The following SPC24 variants were observed in gnomAD, a reference collection of about 807,000 sequenced individuals.
SPC24 encodes the protein kinetochore protein Spc24.
SPC24 carries 31 observed loss-of-function variants against 27.6 expected under a neutral mutation model. The observed-to-expected ratio is 1.12, with a 90% confidence interval of 0.84 to 1.52. The LOEUF is 1.52. Ranked by LOEUF, SPC24 falls within the 40% of genes most tolerant of loss-of-function variation. The probability of loss-of-function intolerance (pLI) is 0.00; values close to 1 mark genes in which losing one functional copy is unlikely to be tolerated. For synonymous variants in SPC24, 105 were observed against 105.8 expected, an observed-to-expected ratio of 0.99 and a Z score of 0.05; for missense variants, 284 against 252.5, an observed-to-expected ratio of 1.12 and a Z score of -0.84.
Position 11,149,134 on chromosome 19 carries a change from C to G in SPC24, c.265G>C (p.Glu89Gln). 6.5e-7 allele frequency: 1 copy of G among 1,549,336 alleles called. No individual in the cohort carries two copies. Among genetic ancestry groups the G allele is most frequent in the South Asian group, 1.2e-5 (1 of 83,918 alleles). The change falls in exon 2 of 5, where the codon GAG (glutamate) becomes CAG (glutamine). Residue 89 changes from glutamate (E) to glutamine (Q), a missense_variant. Transcript: ENST00000592540. ...AGACGGGTGTCCTCCTCCCCAGCCT[C>G]CTGAAGCCCAGCTTCCAGCTGCTGC... ...ELQQLEAGLQ[E>Q]AGEEDTRLKA...
chr19:11,147,292 G>A lies in SPC24; in HGVS notation c.488-3C>T. 1 of 1,560,308 alleles carries A rather than the reference G, an allele frequency of 6.4e-7. No individual in the cohort carries two copies. Among genetic ancestry groups the A allele is most frequent in the Non-Finnish European group, 8.7e-7 (1 of 1,150,784 alleles). On this transcript the variant is annotated splice_polypyrimidine_tract_variant and splice_region_variant and intron_variant, in intron 4 of 4. Coordinates refer to ENST00000592540, the MANE Select transcript of SPC24 (RefSeq NM_182513.4). ...GGCCACACTGGGGCCATGATGGACT[G>A]AGGCACAGATGTAAGGAAAGCCCGG...
rs779072119 is a variant in SPC24, at chr19:11,147,281, C to G, written c.496G>C (p.Gly166Arg). The G allele has an allele frequency of 6.4e-7, 1 of 1,565,240 alleles. No homozygotes were observed. Among genetic ancestry groups the G allele is most frequent in the Non-Finnish European group, 8.7e-7 (1 of 1,154,376 alleles). The stretch of plus-strand genomic sequence containing the variant: ...TGGATGGGCTGGGCCACACTGGGGC[C>G]ATGATGGACTGAGGCACAGATGTAA... ...EPGMVKGIHH[G>R]PSVAQPIHLD... The change falls in exon 5 of 5, where the codon GGC becomes CGC. Residue 166 changes from glycine to arginine, a missense_variant. Gly to Arg is a moderately radical substitution (Grantham distance 125). Coordinates refer to ENST00000592540, the MANE Select transcript of SPC24 (RefSeq NM_182513.4).
chr19:11,149,061 T>G, intron 2 of SPC24, 33 bp downstream of exon 2: 1 of 1,453,690 alleles, frequency 6.9e-7, no homozygotes, highest in South Asian at 1.4e-5. Context: ...GCGTGTTTTC[T>G]AGCAAGGCTG....
At chr19:11,154,307 A>G (rs2077895223) in intron 1 of SPC24, among the ~76,000 whole-genome samples, 1 of 152,126 alleles carries the variant, frequency 6.6e-6, no homozygotes, top group African/African-American at 2.4e-5. Flanking sequence ...TGGGAGGCCG[A>G]GGTGGGCGAT....
At chr19:11,152,970 C>T (rs895144488) in intron 1 of SPC24, among the ~76,000 whole-genome samples, 6 of 151,844 alleles carry the variant, frequency 4.0e-5, no homozygotes, top group East Asian at 1.9e-4. Context: ...TGAGCCACCC[C>T]GTGGACTGGC....
chr19:11,147,318 G>GAC (rs753821558), intron 4 of SPC24, 29 bp from the exon 5 acceptor site: 1 of 1,472,452 alleles, frequency 6.8e-7, no homozygotes, highest in Middle Eastern at 1.8e-4. Flanking sequence ...GAAAGCCCGG[G>GAC]ACACACAGCC....
intron 1 of SPC24, among the ~76,000 whole-genome samples, chr19:11,153,861 A>C (rs146559752): frequency 0.037 from 5,583 of 151,082 alleles, 119 homozygotes; most frequent in Middle Eastern, 0.056. Context: ...AGGTCAGGAG[A>C]TCGAGACCAT....
intron 1 of SPC24, among the ~76,000 whole-genome samples, chr19:11,151,620 G>T (rs2421204): frequency 0.21 from 1,620 of 7,722 alleles, 57 homozygotes; most frequent in Admixed American, 0.44. Flanking sequence ...CTTTTTTTTT[G>T]GGGGGGGGGG....
In SPC24 at chr19:11,155,733, A is replaced by C. The variant is rs771234883; in HGVS notation, c.44T>G (p.Leu15Arg). ...CGCGCGGTTGGCGCCCAGCAGGCTG[A>C]GCAGCCCCTGGCTCACCTCCTCTAT... is the stretch of plus-strand genomic sequence containing the variant. ...RDIEEVSQGLLSLLGANRAEA... is the reference protein window; with the variant it reads ...RDIEEVSQGLRSLLGANRAEA... The change falls in exon 1 of 5, where the codon CTC (leucine) becomes CGC (arginine). Residue 15 changes from leucine to arginine, a missense_variant. By Grantham distance (102) the Leu-to-Arg change is moderately radical (BLOSUM62 -2). Transcript: ENST00000592540. The C allele has an allele frequency of 7.0e-5, 110 of 1,580,568 alleles. No homozygotes were observed. The highest frequency in any genetic ancestry group is 9.4e-5 in the Non-Finnish European group (110 of 1,171,354).
In SPC24 at chr19:11,149,221, T is replaced by C; in HGVS notation, c.178A>G (p.Lys60Glu). Reference protein sequence around the residue: ...KQLREILTMEKEVAQSLLNAK... With the variant: ...KQLREILTMEEEVAQSLLNAK... ...TTGAGAAGGCTCTGGGCCACTTCCTTCTCCATGGTGAGGATCTCTGCAGGG... is the reference window on the plus strand; with the variant it reads ...TTGAGAAGGCTCTGGGCCACTTCCTCCTCCATGGTGAGGATCTCTGCAGGG... The change falls in exon 2 of 5, where the codon AAG becomes GAG. Residue 60 changes from lysine (K) to glutamate (E), a missense_variant. Physicochemically the swap from Lys to Glu is moderately conservative, Grantham distance 56. Coordinates refer to ENST00000592540, the MANE Select transcript of SPC24 (RefSeq NM_182513.4). The C allele has an allele frequency of 3.2e-6, 5 of 1,547,980 alleles. No individual in the cohort carries two copies. Among genetic ancestry groups the C allele is most frequent in the Non-Finnish European group, 3.5e-6 (4 of 1,145,410 alleles).
At chr19:11,150,903 C>T (rs1217726238) in intron 1 of SPC24, among the ~76,000 whole-genome samples, 2 of 152,160 alleles carry the variant, frequency 1.3e-5, no homozygotes, top group African/African-American at 4.8e-5. Flanking sequence ...GTGGCTCATG[C>T]CTGTAATCCC....
At chr19:11,151,435 G>A (rs949578583) in intron 1 of SPC24, among the ~76,000 whole-genome samples, 1 of 152,126 alleles carries the variant, frequency 6.6e-6, no homozygotes, top group Non-Finnish European at 1.5e-5. Context: ...CTGATTTCCT[G>A]TTAGGACAGC....
chr19:11,149,497 C>A (rs1006581039), intron 1 of SPC24: 3 of 270,212 alleles, frequency 1.1e-5, no homozygotes, highest in Non-Finnish European at 2.1e-5. Flanking sequence ...TGCCTGTAAT[C>A]CCAGCACTTT....
At chr19:11,149,815 A>T (rs1290757895) in intron 1 of SPC24, among the ~76,000 whole-genome samples, 4 of 149,746 alleles carry the variant, frequency 2.7e-5, no homozygotes, top group Non-Finnish European at 5.9e-5. Flanking sequence ...GTTTCAAGTG[A>T]TTCTCCTGCC....
At chr19:11,148,505 GTCTTT>G (rs1422475649) in intron 2 of SPC24, among the ~76,000 whole-genome samples, 6 of 149,484 alleles carry the variant, frequency 4.0e-5, no homozygotes, top group Non-Finnish European at 8.9e-5. Flanking sequence ...ACCGCGCCTG[GTCTTT>G]TCTTTTTTTT....
chr19:11,149,422 A>T (rs1304731500), intron 1 of SPC24, 184 bp from the exon 2 acceptor site: 2 of 449,360 alleles, frequency 4.5e-6, no homozygotes, highest in Non-Finnish European at 7.7e-6. Context: ...AATACACTAA[A>T]AATAAAGCCT....
intron 1 of SPC24, among the ~76,000 whole-genome samples, chr19:11,150,184 T>TAA (rs1363294589): frequency 4.9e-5 from 2 of 40,440 alleles, no homozygotes; most frequent in South Asian, 8.5e-4. Context: ...AAACTCCATC[T>TAA]CAAAAAAAAA....
chr19:11,150,850 T>C (rs2077865152), intron 1 of SPC24, among the ~76,000 whole-genome samples: 1 of 151,306 alleles, frequency 6.6e-6, no homozygotes, highest in Non-Finnish European at 1.5e-5. Flanking sequence ...CCTAGAAACC[T>C]GCCAACTCAG....
rs1448780464 is a variant in SPC24 at position 11,155,637 on chromosome 19, C to G, written c.140G>C (p.Gly47Ala). ...VVERLLETQD[G>A]AEKQLREILT... ...CTCACCTCGCAGCTGCTTCTCGGCACCGTCTTGCGTTTCCAGCAGCCGCTC... is the reference window on the plus strand; with the variant it reads ...CTCACCTCGCAGCTGCTTCTCGGCAGCGTCTTGCGTTTCCAGCAGCCGCTC... Residue 47 changes from glycine to alanine, a missense_variant, in exon 1 of 5, where the codon GGT becomes GCT. By Grantham distance (60) the Gly-to-Ala change is moderately conservative. Transcript: ENST00000592540. The G allele has an allele frequency of 3.2e-6, 5 of 1,549,542 alleles. No individual in the cohort carries two copies. The highest frequency in any genetic ancestry group is 4.3e-6 in the Non-Finnish European group (5 of 1,153,790).
Sources: gnomAD v4.1 joint callset for allele counts (sites outside exome capture counted in the v4.1 genomes callset) on GRCh38, gnomAD v4.1.1 for gene constraint, MANE v1.5 for transcripts, NCBI Gene and HGNC (gene_info 2026-07-23, HGNC 2026-07-21) for gene names.